Variants in NEBL observed in about 807,000 individuals in gnomAD.
NEBL encodes the protein nebulette, also known as LIM and SH3 protein 2.
In NEBL, 122 loss-of-function variants were observed where a neutral mutation model predicts 140.2. The observed-to-expected ratio is 0.87, with a 90% confidence interval of 0.75 to 1.01. The LOEUF (loss-of-function observed/expected upper bound fraction) is 1.01, where lower values mean the gene tolerates loss of function less well. Among genes scored for constraint, NEBL ranks in the 50% least tolerant of loss-of-function variants. The pLI, the probability that NEBL is intolerant of heterozygous loss-of-function variation, is 0.00. For missense variants in NEBL, 1,365 were observed against 1,231.3 expected (o/e 1.11, Z -1.62); for synonymous variants, 436 against 398.9 (o/e 1.09, Z -1.11).
chr10:20,996,719 A>G (rs777280622), intron 3 of NEBL, among the ~76,000 whole-genome samples: 1 of 152,202 alleles, frequency 6.6e-6, no homozygotes, highest in Non-Finnish European at 1.5e-5. Flanking sequence ...CCTTCTTAAA[A>G]GTATCATATG....
chr10:21,140,811 G>A (rs1839593385), intron 2 of NEBL, among the ~76,000 whole-genome samples: 1 of 152,098 alleles, frequency 6.6e-6, no homozygotes, highest in South Asian at 2.1e-4. Context: ...GGCAAGGGGA[G>A]GGAGAGCATT....
chr10:21,235,590 C>G (rs1035312271), intron 3 of NEBL, among the ~76,000 whole-genome samples: 1 of 152,198 alleles, frequency 6.6e-6, no homozygotes, highest in Non-Finnish European at 1.5e-5. Flanking sequence ...GCTGGGATAA[C>G]AGGCGTAAGC....
chr10:20,953,506 A>ATTTTTTT lies in NEBL; in HGVS notation c.357+8159_357+8165dup, dbSNP rs146415247. Reference sequence around the variant, plus strand: ...CCTGAGCAGACTAAGACAAGCCCTAATTTTTTTTTTTTTTTTTTTTTTGTA... The same window carrying ATTTTTTT: ...CCTGAGCAGACTAAGACAAGCCCTAATTTTTTTTTTTTTTTTTTTTTTTTTTTTTGTA... On this transcript the variant is annotated intron_variant, in intron 4 of 6. Transcript: ENST00000417816. Among the ~76,000 whole-genome samples, 4 of 119,802 alleles carry ATTTTTTT rather than the reference A, an allele frequency of 3.3e-5. No individual in the cohort carries two copies. In the East Asian group the frequency reaches 7.9e-4, roughly 24 times the overall value. The allele number at this position is 119,802 out of a possible 152,430, so 78.6% of individuals were successfully genotyped here.
intron 27 of NEBL, 74 bp from the exon 28 acceptor site, chr10:20,785,997 G>T: frequency 7.3e-7 from 1 of 1,373,520 alleles, no homozygotes; most frequent in Non-Finnish European, 1.0e-6. Context: ...ACAACACACC[G>T]ACCCACACAT....
intron 4 of NEBL, among the ~76,000 whole-genome samples, chr10:20,942,916 G>A (rs1193542639): frequency 1.3e-5 from 2 of 152,228 alleles, no homozygotes; most frequent in African/African-American, 4.8e-5. Context: ...TTAGAATGGC[G>A]ATCAGTAAAA....
At chr10:20,800,501 A>G (rs561699704) in intron 26 of NEBL, among the ~76,000 whole-genome samples, 1 of 152,286 alleles carries the variant, frequency 6.6e-6, no homozygotes, top group African/African-American at 2.4e-5. Flanking sequence ...CAGAAGAGGA[A>G]CTGCTGAGTT....
chr10:21,229,020 A>G (rs1222053001), intron 3 of NEBL, among the ~76,000 whole-genome samples: 1 of 152,136 alleles, frequency 6.6e-6, no homozygotes, highest in East Asian at 1.9e-4. Flanking sequence ...ACCAACCCAT[A>G]GTGGACATAG....
chr10:20,912,349 G>A lies in NEBL; in HGVS notation c.357+49323C>T, dbSNP rs1042463948. Among the ~76,000 whole-genome samples the A allele has an allele frequency of 2.0e-5, 3 of 152,198 alleles. No individual in the cohort carries two copies. The East Asian group carries it at 5.8e-4, about 29-fold the overall frequency. The stretch of plus-strand genomic sequence containing the variant: ...GCCTGTAGTCCTAGCTACTCCAGGA[G>A]GCCGAAGTGGGAGGATCACTTGAGC... On this transcript the variant is annotated intron_variant, in intron 4 of 6. Coordinates refer to the NEBL transcript ENST00000417816.
intron 3 of NEBL, among the ~76,000 whole-genome samples, chr10:21,183,597 T>C (rs1044941642): frequency 6.6e-6 from 1 of 152,206 alleles, no homozygotes; most frequent in African/African-American, 2.4e-5. Flanking sequence ...AAAAGTAGAA[T>C]GTTTTGTTTT....
chr10:21,126,159 C>A lies in NEBL; in HGVS notation c.164+46224G>T, dbSNP rs138218835. 1.9e-6 allele frequency: 3 copies of A among 1,580,844 alleles called. No individual in the cohort carries two copies. In the Admixed American group the frequency reaches 5.2e-5, roughly 28 times the overall value. On this transcript the variant is annotated intron_variant, in intron 2 of 6. Transcript: ENST00000417816. Reference sequence around the variant, plus strand: ...AAGTGCAGCTGTCCGTTCTTCAAGCCTGGTACCCCCCATAGAAAGGAAAAA... The same window carrying A: ...AAGTGCAGCTGTCCGTTCTTCAAGCATGGTACCCCCCATAGAAAGGAAAAA...
chr10:20,981,535 G>A (rs1344587555), intron 3 of NEBL, among the ~76,000 whole-genome samples: 1 of 152,156 alleles, frequency 6.6e-6, no homozygotes, highest in African/African-American at 2.4e-5. Context: ...TTGGGTAACA[G>A]CACCCTGACT....
intron 9 of NEBL, among the ~76,000 whole-genome samples, chr10:20,854,561 C>CTTTT (rs71390794): frequency 9.3e-6 from 1 of 107,264 alleles, no homozygotes; most frequent in African/African-American, 4.1e-5. Flanking sequence ...TCATATAGTA[C>CTTTT]TTTTTTTTTT....
intron 4 of NEBL, among the ~76,000 whole-genome samples, chr10:20,957,116 G>A (rs1022229552): frequency 2.0e-5 from 3 of 152,046 alleles, no homozygotes; most frequent in African/African-American, 4.8e-5. Context: ...GCACTCAACC[G>A]AACTTTGAAT....
intron 2 of NEBL, among the ~76,000 whole-genome samples, chr10:21,249,626 T>C (rs1842562001): frequency 6.6e-6 from 1 of 150,484 alleles, no homozygotes; most frequent in East Asian, 1.9e-4. Context: ...TTATCTATTT[T>C]ATTTACTTTT....
At chr10:20,937,953 G>A (rs1834595420) in intron 4 of NEBL, among the ~76,000 whole-genome samples, 1 of 152,182 alleles carries the variant, frequency 6.6e-6, no homozygotes, top group Admixed American at 6.5e-5. Flanking sequence ...AGCTTGAACT[G>A]GGTGGAGCCC....
intron 2 of NEBL, among the ~76,000 whole-genome samples, chr10:21,152,996 G>T (rs1369164280): frequency 6.6e-6 from 1 of 152,134 alleles, no homozygotes; most frequent in Non-Finnish European, 1.5e-5. Flanking sequence ...CAGACTTGGT[G>T]GATTTTATCT....
At chr10:21,246,906 G>A (rs181128781) in intron 3 of NEBL, among the ~76,000 whole-genome samples, 32 of 152,238 alleles carry the variant, frequency 2.1e-4, no homozygotes, top group Admixed American at 9.2e-4. Context: ...CAAATCTCAC[G>A]TCAAATTGTA....
intron 4 of NEBL, among the ~76,000 whole-genome samples, chr10:20,914,041 G>A (rs1235462243): frequency 1.3e-5 from 2 of 152,144 alleles, no homozygotes; most frequent in Non-Finnish European, 2.9e-5. Flanking sequence ...AACCTCCTCT[G>A]CACAGACTAT....
At chr10:21,108,077 C>T (rs544380202) in intron 2 of NEBL, among the ~76,000 whole-genome samples, 2 of 152,094 alleles carry the variant, frequency 1.3e-5, no homozygotes, top group Admixed American at 6.5e-5. Flanking sequence ...ATTAGTCTGG[C>T]TAGTGGTCTA....
Sources: gnomAD v4.1 joint callset for allele counts (sites outside exome capture counted in the v4.1 genomes callset) on GRCh38, gnomAD v4.1.1 for gene constraint, MANE v1.5 for transcripts, NCBI Gene and HGNC (gene_info 2026-07-23, HGNC 2026-07-21) for gene names.